HIPK2: variants seen among roughly 807,000 people sequenced by gnomAD.
HIPK2 encodes the protein homeodomain interacting protein kinase 2, also known as homeodomain-interacting protein kinase 2.
In HIPK2, 27 loss-of-function variants were observed where a neutral mutation model predicts 113.7. That is an observed-to-expected ratio of 0.24 (90% CI 0.17 to 0.33). The LOEUF is 0.33. HIPK2 is among the 10% of genes least tolerant of loss of function. HIPK2 has a pLI of 1.00. For synonymous variants in HIPK2, 631 were observed against 642.2 expected (o/e 0.98, Z 0.26); for missense variants, 1,257 against 1,588.0 (o/e 0.79, Z 3.54).
chr7:139,672,615 C>T (rs371180597), intron 2 of HIPK2, among the ~76,000 whole-genome samples: 8 of 152,206 alleles, frequency 5.3e-5, no homozygotes, highest in East Asian at 1.9e-4. Context: ...GCTGCCACCA[C>T]GCCCGCCTAA....
intron 2 of HIPK2, among the ~76,000 whole-genome samples, chr7:139,705,773 CT>C (rs1052124954): frequency 2.0e-5 from 3 of 150,782 alleles, no homozygotes; most frequent in African/African-American, 7.3e-5. Flanking sequence ...CCAGCTCTGT[CT>C]GCCAGATGAT....
At chr7:139,719,387 A>G (rs1795342812) in intron 1 of HIPK2, among the ~76,000 whole-genome samples, 1 of 151,992 alleles carries the variant, frequency 6.6e-6, no homozygotes, top group Non-Finnish European at 1.5e-5. Flanking sequence ...TACAGGTGTG[A>G]GCCACCGCAC....
At chr7:139,690,059 G>A (rs1438551251) in intron 2 of HIPK2, among the ~76,000 whole-genome samples, 1 of 151,556 alleles carries the variant, frequency 6.6e-6, no homozygotes, top group Non-Finnish European at 1.5e-5. Flanking sequence ...AGAAGCGGTG[G>A]GGGCGGGGGT....
intron 2 of HIPK2, among the ~76,000 whole-genome samples, chr7:139,705,009 T>C (rs1258688702): frequency 1.3e-5 from 2 of 152,236 alleles, no homozygotes; most frequent in African/African-American, 2.4e-5. Flanking sequence ...TGTCCCTTCC[T>C]GGTGCCAGAG....
At chr7:139,626,940 A>C in intron 5 of HIPK2, 155 bp from the exon 6 acceptor site, 8 of 259,728 alleles carry the variant, frequency 3.1e-5, no homozygotes, top group South Asian at 1.5e-4. Flanking sequence ...CACCACCCAC[A>C]TGTTGTCATT....
chr7:139,636,892 TG>T (rs1800831955), intron 2 of HIPK2, among the ~76,000 whole-genome samples: 1 of 152,340 alleles, frequency 6.6e-6, no homozygotes, highest in South Asian at 2.1e-4. Flanking sequence ...GTATTGCCTC[TG>T]GAATGTCTCA....
At chr7:139,585,059 T>G (rs1569445479) in intron 12 of HIPK2, among the ~76,000 whole-genome samples, 1 of 152,258 alleles carries the variant, frequency 6.6e-6, no homozygotes, top group African/African-American at 2.4e-5. Context: ...TGTGTGCTTA[T>G]TTAAGACTTT....
At chr7:139,723,016 A>G (rs1795460501) in intron 1 of HIPK2, among the ~76,000 whole-genome samples, 1 of 151,892 alleles carries the variant, frequency 6.6e-6, no homozygotes, top group Non-Finnish European at 1.5e-5. Context: ...GGAGCATAAC[A>G]CCATGCCCGG....
intron 2 of HIPK2, among the ~76,000 whole-genome samples, chr7:139,699,860 C>T (rs921524582): frequency 3.1e-4 from 47 of 152,234 alleles, no homozygotes; most frequent in Non-Finnish European, 7.3e-5. Flanking sequence ...GATGTGCCCT[C>T]CCGGGAGGCA....
At chr7:139,752,861 TA>T (rs1357547267) in intron 1 of HIPK2, among the ~76,000 whole-genome samples, 2 of 152,144 alleles carry the variant, frequency 1.3e-5, no homozygotes, top group African/African-American at 4.8e-5. Flanking sequence ...CTTCCCACAT[TA>T]GTCAAATGCT....
At chr7:139,771,201 C>T (rs944989871) in intron 1 of HIPK2, among the ~76,000 whole-genome samples, 3 of 152,126 alleles carry the variant, frequency 2.0e-5, no homozygotes, top group Non-Finnish European at 4.4e-5. Context: ...ACGGTCCCTT[C>T]TAAATGAGGA....
rs1416613668 is a variant in HIPK2 at position 139,565,418 on chromosome 7, C to T, written c.*7509G>A. The T allele has an allele frequency of 6.6e-6, 1 of 152,188 alleles. No individual in the cohort carries two copies. The highest frequency in any genetic ancestry group is 2.4e-5 in the African/African-American group (1 of 41,442). The allele number at this position is 152,188 out of a possible 1,614,324, so 9.4% of individuals were successfully genotyped here. The stretch of plus-strand genomic sequence containing the variant: ...AATGAAAAAAGGAACAAGAAACCCA[C>T]TCAAAACAACTGAACAAATATTTCA... On this transcript the variant is annotated 3_prime_UTR_variant, in exon 15 of 15. Transcript: ENST00000406875.
Position 139,570,532 on chromosome 7 carries a change from C to G in HIPK2, c.*2395G>C, listed in dbSNP as rs1166883977. On this transcript the variant is annotated 3_prime_UTR_variant, in exon 15 of 15. Transcript: ENST00000406875. Reference sequence around the variant, plus strand: ...GCAGTCATGGTGTCCTTCCTTCTCGCTGAGGCCTGGACTAAGCTGTTTCCA... The same window carrying G: ...GCAGTCATGGTGTCCTTCCTTCTCGGTGAGGCCTGGACTAAGCTGTTTCCA... The G allele has an allele frequency of 1.3e-5, 2 of 152,262 alleles. No individual in the cohort carries two copies. The highest frequency in any genetic ancestry group is 4.8e-5 in the African/African-American group (2 of 41,454). 9.4% of individuals were successfully genotyped at this position (152,262 alleles called of 1,614,324 possible).
chr7:139,626,197 G>C (rs748872309), intron 6 of HIPK2, among the ~76,000 whole-genome samples: 1 of 151,684 alleles, frequency 6.6e-6, no homozygotes, highest in Non-Finnish European at 1.5e-5. Context: ...CTGCTTCCCA[G>C]GTTCAAGCAA....
intron 2 of HIPK2, among the ~76,000 whole-genome samples, chr7:139,637,494 C>A (rs1309358302): frequency 6.6e-6 from 1 of 152,190 alleles, no homozygotes; most frequent in African/African-American, 2.4e-5. Flanking sequence ...AAATGCTCTC[C>A]CTGCTGGCTG....
rs369984797 is a variant in HIPK2 at position 139,762,834 on chromosome 7, T to A, written c.19+14771A>T. Among the ~76,000 whole-genome samples the A allele has an allele frequency of 1.2e-3, 179 of 152,254 alleles. 5 individuals carry two copies. The South Asian group carries it at 0.035, about 30-fold the overall frequency. On this transcript the variant is annotated intron_variant, in intron 1 of 14. Transcript: ENST00000406875. ...TATCTTCATGGAGCTTGCAGCCTAA[T>A]GGGGAAGGCAGGTGGAAAACAAATA...
At chr7:139,583,693 T>C in intron 13 of HIPK2, 124 bp downstream of exon 13, 1 of 1,386,530 alleles carries the variant, frequency 7.2e-7, no homozygotes, top group Non-Finnish European at 9.8e-7. Flanking sequence ...TCGGTAAGGG[T>C]CGCCTGCAGT....
At chr7:139,718,138 C>T (rs535886231) in intron 1 of HIPK2, among the ~76,000 whole-genome samples, 13 of 152,206 alleles carry the variant, frequency 8.5e-5, no homozygotes, top group East Asian at 1.9e-4. Flanking sequence ...GTACAAATTA[C>T]GGTGATACTG....
chr7:139,604,859 G>C (rs1338536817), intron 9 of HIPK2, among the ~76,000 whole-genome samples: 1 of 152,108 alleles, frequency 6.6e-6, no homozygotes, highest in Non-Finnish European at 1.5e-5. Context: ...TACTTGTTCT[G>C]TCCCACAACT....
Sources: gnomAD v4.1 joint callset for allele counts (sites outside exome capture counted in the v4.1 genomes callset) on GRCh38, gnomAD v4.1.1 for gene constraint, MANE v1.5 for transcripts, NCBI Gene and HGNC (gene_info 2026-07-23, HGNC 2026-07-21) for gene names.